Variants in SLC6A7 observed in about 807,000 individuals in gnomAD.
SLC6A7 encodes the protein sodium-dependent proline transporter.
Under a neutral mutation model 73.1 loss-of-function variants are expected in SLC6A7, and 58 were observed. The ratio of observed to expected loss-of-function variants is 0.79; its 90% confidence interval spans 0.64 to 0.99. The LOEUF (loss-of-function observed/expected upper bound fraction) is 0.99. Among genes scored for constraint, SLC6A7 ranks in the 50% least tolerant of loss-of-function variants. The pLI, the probability that SLC6A7 is intolerant of heterozygous loss-of-function variation, is 0.00. For synonymous variants in SLC6A7, 338 were observed against 338.7 expected, an observed-to-expected ratio of 1.00 and a Z score of 0.02; for missense variants, 783 against 831.4, an observed-to-expected ratio of 0.94 and a Z score of 0.72.
intron 4 of SLC6A7, 37 bp from the exon 5 acceptor site, chr5:150,199,191 G>A (rs1449348118): frequency 1.9e-6 from 3 of 1,543,240 alleles, no homozygotes; most frequent in Non-Finnish European, 2.6e-6. Context: ...AGCCTGGTGG[G>A]GTGACCAGGG....
intron 6 of SLC6A7, among the ~76,000 whole-genome samples, chr5:150,202,066 G>A (rs1325938316): frequency 6.6e-6 from 1 of 152,184 alleles, no homozygotes; most frequent in Non-Finnish European, 1.5e-5. Flanking sequence ...TTTACATTAG[G>A]CTCTGTGTCC....
chr5:150,200,508 G>GAAAAAA (rs1753320261), intron 5 of SLC6A7, among the ~76,000 whole-genome samples: 1 of 152,106 alleles, frequency 6.6e-6, no homozygotes, highest in Admixed American at 6.5e-5. Context: ...AAAGAAAAAA[G>GAAAAAA]AAAAACTCAG....
intron 1 of SLC6A7, among the ~76,000 whole-genome samples, chr5:150,191,637 A>G (rs2113963564): frequency 6.6e-6 from 1 of 152,132 alleles, no homozygotes; most frequent in East Asian, 1.9e-4. Context: ...TCACCGTGTT[A>G]GCCAGGATGG....
In SLC6A7 at chr5:150,205,475, T is replaced by C. The variant is rs759749378; in HGVS notation, c.1553T>C (p.Ile518Thr). The change falls in exon 13 of 14, where the codon ATC becomes ACC. Residue 518 changes from isoleucine (I) to threonine (T), a missense_variant. Transcript: ENST00000230671. ...ATLLALMVYS[I>T]VKYQPSEYGS... ...CTGCAGGCCCTCATGGTGTATAGCATCGTCAAGTACCAGCCCTCGGAGTAT... is the reference window on the plus strand; with the variant it reads ...CTGCAGGCCCTCATGGTGTATAGCACCGTCAAGTACCAGCCCTCGGAGTAT... The C allele has an allele frequency of 1.2e-6, 2 of 1,608,488 alleles. No homozygotes were observed. Among genetic ancestry groups the C allele is most frequent in the Non-Finnish European group, 1.7e-6 (2 of 1,177,328 alleles).
chr5:150,194,986 T>A, intron 2 of SLC6A7, 75 bp downstream of exon 2: 2 of 1,363,364 alleles, frequency 1.5e-6, no homozygotes, highest in South Asian at 1.3e-5. Context: ...AGCTTTTAGG[T>A]GGCCTCAGCC....
intron 1 of SLC6A7, among the ~76,000 whole-genome samples, chr5:150,191,580 G>A (rs552678207): frequency 9.2e-5 from 14 of 152,068 alleles, no homozygotes; most frequent in East Asian, 5.8e-4. Context: ...ATAGGCGCCC[G>A]CCACCACGCC....
chr5:150,206,505 T>G (rs1264035089), intron 13 of SLC6A7, among the ~76,000 whole-genome samples: 1 of 152,180 alleles, frequency 6.6e-6, no homozygotes, highest in Non-Finnish European at 1.5e-5. Context: ...CACCCCACAG[T>G]CTGCTTACCA....
At chr5:150,207,684 C>T (rs907837867) in intron 13 of SLC6A7, among the ~76,000 whole-genome samples, 43 of 152,196 alleles carry the variant, frequency 2.8e-4, no homozygotes, top group African/African-American at 1.0e-3. Flanking sequence ...CACCACTTCC[C>T]ACCTGTGTGA....
chr5:150,209,028 G>A (rs75338036), intron 13 of SLC6A7, among the ~76,000 whole-genome samples: 8 of 152,364 alleles, frequency 5.3e-5, no homozygotes, highest in Middle Eastern at 3.4e-3. Flanking sequence ...GGCCCGCCGC[G>A]TAATTATAGC....
chr5:150,195,381 C>A (rs1752971579), intron 2 of SLC6A7, among the ~76,000 whole-genome samples: 1 of 152,140 alleles, frequency 6.6e-6, no homozygotes. Context: ...AACACAAAGT[C>A]TCTCCCATCT....
Position 150,209,896 on chromosome 5 carries a change from G to T in SLC6A7, c.*281G>T. ...GATGGACATATTAAGGCCAGGAGGG[G>T]AGGGACTTGCCCCAGGTCGCATGGC... On this transcript the variant is annotated 3_prime_UTR_variant, in exon 14 of 14. Coordinates refer to ENST00000230671, the MANE Select transcript of SLC6A7 (RefSeq NM_014228.5). 2.2e-6 allele frequency: 1 copy of T among 462,758 alleles called. No individual in the cohort carries two copies. The allele number at this position is 462,758 out of a possible 1,614,324, so 28.7% of individuals were successfully genotyped here. A position where few individuals can be genotyped will look rare whatever the true frequency, so the allele number is the denominator to read the frequency against.
intron 1 of SLC6A7, among the ~76,000 whole-genome samples, chr5:150,192,743 CG>C (rs971315376): frequency 5.3e-5 from 8 of 152,138 alleles, no homozygotes; most frequent in Non-Finnish European, 1.0e-4. Context: ...AACAGAGAAC[CG>C]GGACCGCTCC....
intron 2 of SLC6A7, 46 bp from the exon 3 acceptor site, chr5:150,196,670 G>A (rs2270145): frequency 0.5 from 782,173 of 1,579,662 alleles, 201,660 homozygotes; most frequent in Non-Finnish European, 0.53. Flanking sequence ...TGGGCTTTTG[G>A]GGGAGCTGCC....
chr5:150,198,732 A>C (rs1189629896), intron 4 of SLC6A7, among the ~76,000 whole-genome samples: 2 of 151,824 alleles, frequency 1.3e-5, no homozygotes, highest in Non-Finnish European at 2.9e-5. Context: ...CCTAGGAGGC[A>C]ATGGGAGGGA....
rs767688106 is a variant in SLC6A7, at chr5:150,201,231, C to A, written c.858+8C>A. ...CACTTGTTGTCTTCCAAGGTGAGCC[C>A]CTCAGGGCGGGGTGCAGAGGGAGGG... On this transcript the variant is annotated splice_region_variant and intron_variant, in intron 6 of 13. Coordinates refer to ENST00000230671, the MANE Select transcript of SLC6A7 (RefSeq NM_014228.5). 1.9e-6 allele frequency: 3 copies of A among 1,600,138 alleles called. No individual in the cohort carries two copies. Among genetic ancestry groups the A allele is most frequent in the Non-Finnish European group, 2.6e-6 (3 of 1,172,986 alleles).
intron 2 of SLC6A7, 33 bp downstream of exon 2, chr5:150,194,944 G>A (rs372417746): frequency 4.4e-6 from 7 of 1,590,900 alleles, no homozygotes; most frequent in Non-Finnish European, 6.0e-6. Context: ...GAGGGTGTCT[G>A]GGGTGATGGG....
In SLC6A7 at chr5:150,205,496, A is replaced by G. The variant is rs753930833; in HGVS notation, c.1574A>G (p.Glu525Gly). The G allele has an allele frequency of 1.4e-5, 23 of 1,613,062 alleles. No individual in the cohort carries two copies. The highest frequency in any genetic ancestry group is 1.4e-5 in the Non-Finnish European group (17 of 1,179,464). ...VYSIVKYQPSEYGSYRFPPWA... is the reference protein window; with the variant it reads ...VYSIVKYQPSGYGSYRFPPWA... ...AGCATCGTCAAGTACCAGCCCTCGG[A>G]GTATGGCAGTTACCGCTTCCCGCCC... The change falls in exon 13 of 14, where the codon GAG becomes GGG. Residue 525 changes from glutamate to glycine, a missense_variant. Coordinates refer to ENST00000230671, the MANE Select transcript of SLC6A7 (RefSeq NM_014228.5).
rs1275556994 is a variant in SLC6A7, at chr5:150,196,812, C to A, written c.314C>A (p.Pro105His). ...CTGGGCCAGTTCTCCAGCCTAGGGC[C>A]CCTGGCTGTCTGGAAAATCAGCCCT... ...LSLGQFSSLG[P>H]LAVWKISPLF... The change falls in exon 3 of 14, where the codon CCC (proline) becomes CAC (histidine). Residue 105 changes from proline (P) to histidine (H), a missense_variant. Coordinates refer to ENST00000230671, the MANE Select transcript of SLC6A7 (RefSeq NM_014228.5). The A allele has an allele frequency of 8.7e-6, 14 of 1,613,922 alleles. No individual in the cohort carries two copies. The highest frequency in any genetic ancestry group is 1.2e-5 in the Non-Finnish European group (14 of 1,179,936).
At position 150,204,875 on chromosome 5, in the gene SLC6A7, C is replaced by T. The variant is rs200706130; in HGVS notation, c.1481C>T (p.Pro494Leu). 31 of 1,376,968 alleles carry T rather than the reference C, an allele frequency of 2.3e-5. No individual in the cohort carries two copies. Among genetic ancestry groups the T allele is most frequent in the Non-Finnish European group, 3.0e-5 (31 of 1,027,582 alleles). The allele number at this position is 1,376,968 out of a possible 1,614,324, so 85.3% of individuals were successfully genotyped here. The change falls in exon 12 of 14, where the codon CCG becomes CTG. Residue 494 changes from proline (P) to leucine (L), a missense_variant. Coordinates refer to ENST00000230671, the MANE Select transcript of SLC6A7 (RefSeq NM_014228.5). ...ATCCACATGATGCTGGGCTTCAAGCCGGGCCTCTACTTCAGGGCCTGCTGG... is the reference window on the plus strand; with the variant it reads ...ATCCACATGATGCTGGGCTTCAAGCTGGGCCTCTACTTCAGGGCCTGCTGG... ...RDIHMMLGFK[P>L]GLYFRACWLF...
Sources: allele counts gnomAD v4.1 joint callset (sites outside exome capture counted in the v4.1 genomes callset), GRCh38; gene constraint gnomAD v4.1.1; transcripts MANE v1.5; gene names NCBI Gene and HGNC (gene_info 2026-07-23, HGNC 2026-07-21).